CROT: variants seen among roughly 807,000 people sequenced by gnomAD.
The protein encoded by CROT is carnitine O-octanoyltransferase, also known as peroxisomal carnitine O-octanoyltransferase.
In CROT, 84 loss-of-function variants were observed where a neutral mutation model predicts 89.2. The ratio of observed to expected loss-of-function variants is 0.94; its 90% confidence interval spans 0.79 to 1.13. CROT has a LOEUF of 1.13. Among genes scored for constraint, CROT ranks in the 50% most tolerant of loss-of-function variants. The probability of loss-of-function intolerance (pLI) is 0.00; values close to 1 mark genes in which losing one functional copy is unlikely to be tolerated. For synonymous variants in CROT, 212 were observed against 239.5 expected (o/e 0.89, Z 1.06); for missense variants, 711 against 727.8 (o/e 0.98, Z 0.27).
chr7:87,392,261 T>A (rs1807385333), intron 14 of CROT, among the ~76,000 whole-genome samples: 2 of 152,214 alleles, frequency 1.3e-5, no homozygotes, highest in Admixed American at 6.5e-5. Context: ...TTTATTGTCA[T>A]TTTTAGTTAT....
rs761984314 is a variant in CROT at position 87,369,518 on chromosome 7, C to T, written c.656+34C>T. The T allele has an allele frequency of 4.9e-6, 7 of 1,417,254 alleles. No individual in the cohort carries two copies. The East Asian group carries it at 9.3e-5, about 19-fold the overall frequency. The allele number at this position is 1,417,254 out of a possible 1,614,324, so 87.8% of individuals were successfully genotyped here. ...ACTACTTTCTTGAGTTTCATTAGGTCTTATGGTGTTGCTTGAATTAAAATA... is the reference window on the plus strand; with the variant it reads ...ACTACTTTCTTGAGTTTCATTAGGTTTTATGGTGTTGCTTGAATTAAAATA... On this transcript the variant is annotated intron_variant, in intron 7 of 17. Coordinates refer to ENST00000331536, the MANE Select transcript of CROT (RefSeq NM_021151.4).
rs145387902 is a variant in CROT, at chr7:87,350,669, A to G, written c.115+1486A>G. 3.3e-4 allele frequency among the ~76,000 whole-genome samples: 50 copies of G among 152,280 alleles called. 1 individual carries two copies. The highest frequency in any genetic ancestry group is 3.3e-4 in the Admixed American group (5 of 15,296). ...TTGTGAGACCCATGTGCCCATAACC[A>G]TCCCCAAGGAGAAGGATGAGCATGC... is the stretch of plus-strand genomic sequence containing the variant. On this transcript the variant is annotated intron_variant, in intron 3 of 17. Transcript: ENST00000331536.
rs563263822 is a variant in CROT, at chr7:87,391,623, C to T, written c.1336C>T (p.His446Tyr). ...GCCYETAMTRHFYHGRTETMR... is the reference protein window; with the variant it reads ...GCCYETAMTRYFYHGRTETMR... The stretch of plus-strand genomic sequence containing the variant: ...TTGCTATGAAACAGCTATGACAAGA[C>T]ATTTTTATCATGGCCGTACAGAGAC... The change falls in exon 14 of 18, where the codon CAT (histidine) becomes TAT (tyrosine). Residue 446 changes from histidine (H) to tyrosine (Y), a missense_variant. His to Tyr is a moderately conservative substitution (Grantham distance 83, BLOSUM62 2). Coordinates refer to ENST00000331536, the MANE Select transcript of CROT (RefSeq NM_021151.4). 2 of 1,606,374 alleles carry T rather than the reference C, an allele frequency of 1.2e-6. No homozygotes were observed. The highest frequency in any genetic ancestry group is 2.2e-5 in the East Asian group (1 of 44,614).
At chr7:87,354,893 T>C (rs1806009104) in intron 3 of CROT, among the ~76,000 whole-genome samples, 1 of 152,222 alleles carries the variant, frequency 6.6e-6, no homozygotes, top group Non-Finnish European at 1.5e-5. Flanking sequence ...TTTAATCACA[T>C]ACAAAATTCC....
chr7:87,357,724 A>G (rs1806128659), intron 3 of CROT: 3 of 599,292 alleles, frequency 5.0e-6, no homozygotes, highest in East Asian at 5.6e-5. Context: ...GCCTTTATCT[A>G]TGTAAAGACT....
intron 6 of CROT, among the ~76,000 whole-genome samples, chr7:87,368,220 T>G (rs746677228): frequency 2.0e-5 from 3 of 152,198 alleles, no homozygotes; most frequent in Non-Finnish European, 2.9e-5. Context: ...CTCACTCCAT[T>G]CAGTTTTCTG....
chr7:87,361,250 A>G (rs1311642368), intron 4 of CROT, 140 bp from the exon 5 acceptor site: 1 of 832,346 alleles, frequency 1.2e-6, no homozygotes, highest in Non-Finnish European at 1.8e-6. Context: ...GGTGTGAGTC[A>G]CCTCACCCAG....
chr7:87,390,287 A>T (rs1052729942), intron 13 of CROT, among the ~76,000 whole-genome samples: 1 of 152,186 alleles, frequency 6.6e-6, no homozygotes, highest in African/African-American at 2.4e-5. Context: ...GCCAGCATCT[A>T]TTATAAAAAG....
chr7:87,365,817 G>C (rs1273799131), intron 6 of CROT, among the ~76,000 whole-genome samples: 2 of 151,844 alleles, frequency 1.3e-5, no homozygotes, highest in African/African-American at 2.4e-5. Flanking sequence ...TGTTGCCCAG[G>C]CTGGTCTCGA....
chr7:87,365,243 C>T lies in CROT; in HGVS notation c.547+3391C>T, dbSNP rs184856828. ...GTGGCTCATGCCTGTAATCCCAGCA[C>T]TTTGGGAGGCCTAGGTGGGCAGATC... On this transcript the variant is annotated intron_variant, in intron 6 of 17. Transcript: ENST00000331536. Among the ~76,000 whole-genome samples, 485 of 152,186 alleles carry T rather than the reference C, an allele frequency of 3.2e-3. 4 individuals are homozygous for T. Among genetic ancestry groups the T allele is most frequent in the Non-Finnish European group, 5.8e-3 (395 of 68,004 alleles).
chr7:87,354,520 T>C (rs1805996633), intron 3 of CROT: 2 of 425,742 alleles, frequency 4.7e-6, no homozygotes, highest in South Asian at 1.8e-5. Flanking sequence ...AAGCCAAAAG[T>C]ACAGAATCAA....
chr7:87,355,180 G>T (rs1806021522), intron 3 of CROT, among the ~76,000 whole-genome samples: 1 of 151,514 alleles, frequency 6.6e-6, no homozygotes, highest in African/African-American at 2.4e-5. Flanking sequence ...GCTCATTGCA[G>T]CCTTGACAGC....
chr7:87,349,134 A>G lies in CROT; in HGVS notation c.66A>G (p.Ser22=), dbSNP rs1193537339. 9 of 1,607,750 alleles carry G rather than the reference A, an allele frequency of 5.6e-6. No homozygotes were observed. The highest frequency in any genetic ancestry group is 6.8e-6 in the Non-Finnish European group (8 of 1,176,030). Residue 22 remains serine, a synonymous_variant, in exon 3 of 18, where the codon TCA becomes TCG. Transcript: ENST00000331536. ...TTCAGTACCAGGATTCTCTTCCATC[A>G]CTGCCTGTTCCTTCACTTGAAGAAT... ...RTFQYQDSLP[S]LPVPSLEESL...
intron 17 of CROT, 55 bp from the exon 18 acceptor site, chr7:87,398,469 C>T: frequency 6.2e-7 from 1 of 1,600,906 alleles, no homozygotes; most frequent in Non-Finnish European, 8.5e-7. Context: ...GTTGTATTCA[C>T]CATCACTATT....
intron 3 of CROT, among the ~76,000 whole-genome samples, chr7:87,358,580 ATTAT>A (rs1305464302): frequency 1.3e-5 from 2 of 152,128 alleles, no homozygotes; most frequent in African/African-American, 4.8e-5. Context: ...TATTTTCTGA[ATTAT>A]TTAAGTTAGA....
chr7:87,359,415 G>C, intron 4 of CROT, 85 bp downstream of exon 4: 2 of 1,491,926 alleles, frequency 1.3e-6, no homozygotes, highest in Non-Finnish European at 1.8e-6. Flanking sequence ...AATTATTGCT[G>C]TAAAAATTTT....
chr7:87,359,825 A>G, intron 4 of CROT: 1 of 983,616 alleles, frequency 1.0e-6, no homozygotes. Context: ...TATAATAATT[A>G]TTGAAGGTCT....
chr7:87,382,252 G>A, intron 12 of CROT, 71 bp downstream of exon 12: 1 of 1,452,436 alleles, frequency 6.9e-7, no homozygotes, highest in Non-Finnish European at 9.6e-7. Context: ...AAATTTGGCT[G>A]TCATCCAAGC....
At chr7:87,353,182 C>T (rs1435504650) in intron 3 of CROT, among the ~76,000 whole-genome samples, 2 of 151,704 alleles carry the variant, frequency 1.3e-5, no homozygotes, top group East Asian at 3.9e-4. Context: ...TGGTCTCGTT[C>T]CGTTGCCCAG....
Sources: allele counts gnomAD v4.1 joint callset (sites outside exome capture counted in the v4.1 genomes callset), GRCh38; gene constraint gnomAD v4.1.1; transcripts MANE v1.5; gene names NCBI Gene and HGNC (gene_info 2026-07-23, HGNC 2026-07-21).